The following ITPRID1 variants were observed in gnomAD, a reference collection of about 807,000 sequenced individuals.
The protein encoded by ITPRID1 is protein ITPRID1.
Under a neutral mutation model 95.4 loss-of-function variants are expected in ITPRID1, and 96 were observed. That is an observed-to-expected ratio of 1.01 (90% confidence interval 0.85 to 1.19). The LOEUF (loss-of-function observed/expected upper bound fraction) is 1.19. ITPRID1 is among the 50% of genes most tolerant of loss of function. The probability of loss-of-function intolerance (pLI) is 0.00; values close to 1 mark genes in which losing one functional copy is unlikely to be tolerated. For synonymous variants in ITPRID1, 510 were observed against 453.6 expected, an observed-to-expected ratio of 1.12 and a Z score of -1.58; for missense variants, 1,339 against 1,252.9, an observed-to-expected ratio of 1.07 and a Z score of -1.04.
intron 9 of ITPRID1, among the ~76,000 whole-genome samples, chr7:31,582,070 C>G (rs1362916159): frequency 6.6e-6 from 1 of 152,188 alleles, no homozygotes; most frequent in Non-Finnish European, 1.5e-5. Context: ...TTTGATTCAG[C>G]TTTCTGTACT....
intron 10 of ITPRID1, among the ~76,000 whole-genome samples, chr7:31,608,931 T>C (rs1156842729): frequency 6.6e-6 from 1 of 151,756 alleles, no homozygotes; most frequent in African/African-American, 2.4e-5. Flanking sequence ...TTTAGTATTT[T>C]ACCATTATGT....
intron 10 of ITPRID1, among the ~76,000 whole-genome samples, chr7:31,618,893 T>G (rs1787527110): frequency 6.6e-6 from 1 of 152,190 alleles, no homozygotes; most frequent in Non-Finnish European, 1.5e-5. Flanking sequence ...GCACATTGCA[T>G]GTTATAAGAA....
intron 1 of ITPRID1, among the ~76,000 whole-genome samples, chr7:31,538,257 C>T (rs886642540): frequency 3.5e-4 from 54 of 152,190 alleles, no homozygotes; most frequent in African/African-American, 1.0e-3. Context: ...CACACACGTG[C>T]GCATGCACAC....
Position 31,643,057 on chromosome 7 carries a change from G to C in ITPRID1, c.1687G>C (p.Asp563His). 6.2e-7 allele frequency: 1 copy of C among 1,613,994 alleles called. No homozygotes were observed. Among genetic ancestry groups the C allele is most frequent in the South Asian group, 1.1e-5 (1 of 91,078 alleles). ...CAGACCCACAGCCACTTCCAAATAT[G>C]ATCATCCTCTGGGGTTTATGGTAAC... ...VTRPTATSKYDHPLGFMVTHV... is the reference protein window; with the variant it reads ...VTRPTATSKYHHPLGFMVTHV... Residue 563 changes from aspartate (D) to histidine (H), a missense_variant, in exon 12 of 15, where the codon GAT becomes CAT. By Grantham distance (81) the Asp-to-His change is moderately conservative. Coordinates refer to ENST00000615280, the MANE Select transcript of ITPRID1 (RefSeq NM_001257967.3).
chr7:31,518,115 A>C (rs1783107075), intron 1 of ITPRID1: 1 of 152,574 alleles, frequency 6.6e-6, no homozygotes, highest in African/African-American at 2.4e-5. Flanking sequence ...GGGTCAGAGG[A>C]GGAGCCATCA....
At chr7:31,536,163 AT>A (rs559545767) in intron 1 of ITPRID1, among the ~76,000 whole-genome samples, 229 of 151,570 alleles carry the variant, frequency 1.5e-3, no homozygotes, top group African/African-American at 5.1e-3. Context: ...CATTTTGAAA[AT>A]TTTTTTTCTT....
Position 31,520,904 on chromosome 7 carries a change from G to A in ITPRID1, c.-98+6784G>A, listed in dbSNP as rs80043979. 4.5e-4 allele frequency among the ~76,000 whole-genome samples: 68 copies of A among 151,676 alleles called. 2 individuals carry two copies. In the East Asian group the frequency reaches 7.1e-3, roughly 16 times the overall value. ...TACATGAATTATTCTAGACTCTTCTGCTTGCTTAGTTGTAGATTTCCACAA... is the reference window on the plus strand; with the variant it reads ...TACATGAATTATTCTAGACTCTTCTACTTGCTTAGTTGTAGATTTCCACAA... On this transcript the variant is annotated intron_variant, in intron 1 of 14. Transcript: ENST00000615280.
chr7:31,545,581 A>T (rs1432916137), intron 1 of ITPRID1, among the ~76,000 whole-genome samples: 1 of 152,144 alleles, frequency 6.6e-6, no homozygotes, highest in Non-Finnish European at 1.5e-5. Context: ...CTTTGAATTA[A>T]TAGTCTTTTC....
At chr7:31,651,342 A>G in intron 13 of ITPRID1, 73 bp downstream of exon 13, 1 of 1,533,692 alleles carries the variant, frequency 6.5e-7, no homozygotes, top group South Asian at 1.2e-5. Context: ...ATCAGGGCAG[A>G]ACAGAGGAGC....
At chr7:31,540,462 TA>T (rs1783898421) in intron 1 of ITPRID1, among the ~76,000 whole-genome samples, 1 of 152,192 alleles carries the variant, frequency 6.6e-6, no homozygotes, top group Admixed American at 6.5e-5. Context: ...TAATAAAAAT[TA>T]AAAACATGAG....
chr7:31,647,473 C>G (rs1278915992), intron 12 of ITPRID1, among the ~76,000 whole-genome samples: 1 of 149,232 alleles, frequency 6.7e-6, no homozygotes, highest in African/African-American at 2.5e-5. Context: ...AACAGCCTGG[C>G]CAACATGGCA....
chr7:31,633,768 A>G (rs1304317442), intron 10 of ITPRID1, among the ~76,000 whole-genome samples: 1 of 152,206 alleles, frequency 6.6e-6, no homozygotes, highest in African/African-American at 2.4e-5. Flanking sequence ...TAGGAACTTG[A>G]CCATAAAATA....
intron 12 of ITPRID1, among the ~76,000 whole-genome samples, chr7:31,646,337 T>C (rs909888060): frequency 6.6e-6 from 1 of 152,140 alleles, no homozygotes; most frequent in Non-Finnish European, 1.5e-5. Flanking sequence ...CTGATGAATT[T>C]GCAGGAGCAT....
At position 31,618,898 on chromosome 7, in the gene ITPRID1, T is replaced by C. The variant is rs549763927; in HGVS notation, c.1229-23278T>C. Among the ~76,000 whole-genome samples, 13 of 152,310 alleles carry C rather than the reference T, an allele frequency of 8.5e-5. No individual in the cohort carries two copies. The South Asian group carries it at 2.7e-3, about 32-fold the overall frequency. The stretch of plus-strand genomic sequence containing the variant: ...GCTTTGTTGTGCACATTGCATGTTA[T>C]AAGAAGCCAAAGTGGATAAAATGGT... On this transcript the variant is annotated intron_variant, in intron 10 of 14. Coordinates refer to ENST00000615280, the MANE Select transcript of ITPRID1 (RefSeq NM_001257967.3).
At chr7:31,589,220 A>C (rs1014508901) in intron 10 of ITPRID1, among the ~76,000 whole-genome samples, 1 of 152,134 alleles carries the variant, frequency 6.6e-6, no homozygotes, top group African/African-American at 2.4e-5. Context: ...ATCAGAAACA[A>C]TGAAAGAAAG....
At chr7:31,529,122 T>C (rs1783513276) in intron 1 of ITPRID1, among the ~76,000 whole-genome samples, 1 of 152,220 alleles carries the variant, frequency 6.6e-6, no homozygotes, top group Admixed American at 6.5e-5. Flanking sequence ...CTGTTAGTTC[T>C]TACTCACAAT....
Position 31,565,538 on chromosome 7 carries a change from C to G in ITPRID1, c.257-4220C>G, listed in dbSNP as rs189736399. ...AGAGCTTGAGGTCAGGAGTTCAAGA[C>G]CAGCCTGGCCAACATGGTGAAAACC... On this transcript the variant is annotated intron_variant, in intron 5 of 14. Coordinates refer to ENST00000615280, the MANE Select transcript of ITPRID1 (RefSeq NM_001257967.3). 4.7e-3 allele frequency among the ~76,000 whole-genome samples: 713 copies of G among 152,228 alleles called. 7 individuals carry two copies. The highest frequency in any genetic ancestry group is 0.016 in the African/African-American group (677 of 41,550).
At position 31,529,753 on chromosome 7, in the gene ITPRID1, C is replaced by T. The variant is rs1264896321; in HGVS notation, c.-98+15633C>T. 46 of 1,534,548 alleles carry T rather than the reference C, an allele frequency of 3.0e-5. 1 individual carries two copies. The highest frequency in any genetic ancestry group is 8.7e-6 in the Non-Finnish European group (10 of 1,146,064). On this transcript the variant is annotated intron_variant, in intron 1 of 14. Coordinates refer to ENST00000615280, the MANE Select transcript of ITPRID1 (RefSeq NM_001257967.3). ...AAGGAGACAAAAAGGCACAGAAGAT[C>T]TCCACACATACTTTGATGCCAACTA...
At chr7:31,551,769 A>T (rs1784290815) in intron 2 of ITPRID1, 1 of 273,374 alleles carries the variant, frequency 3.7e-6, no homozygotes, top group African/African-American at 2.2e-5. Context: ...TTGCAAACAG[A>T]TTAGAAATGA....
Sources: allele counts gnomAD v4.1 joint callset (sites outside exome capture counted in the v4.1 genomes callset), GRCh38; gene constraint gnomAD v4.1.1; transcripts MANE v1.5; gene names NCBI Gene and HGNC (gene_info 2026-07-23, HGNC 2026-07-21).